The following ME3 variants were observed in gnomAD, a reference collection of about 807,000 sequenced individuals.
ME3 encodes the protein NADP-dependent malic enzyme, mitochondrial.
ME3 carries 48 observed loss-of-function variants against 68.9 expected under a neutral mutation model. The ratio of observed to expected loss-of-function variants is 0.70; its 90% CI spans 0.55 to 0.89. The LOEUF is 0.89. Ranked by LOEUF, ME3 falls within the 40% of genes least tolerant of loss-of-function variation. The pLI is 0.00. For missense variants in ME3, 675 were observed against 797.4 expected, an observed-to-expected ratio of 0.85 and a Z score of 1.85; for synonymous variants, 320 against 318.8, an observed-to-expected ratio of 1.00 and a Z score of -0.04.
chr11:86,519,961 TG>T (rs2139175382), intron 4 of ME3, among the ~76,000 whole-genome samples: 1 of 152,366 alleles, frequency 6.6e-6, no homozygotes, highest in South Asian at 2.1e-4. Context: ...CAACTGAACA[TG>T]TTAGTGGTGG....
chr11:86,499,736 G>C (rs1301678217), intron 5 of ME3, among the ~76,000 whole-genome samples: 1 of 152,180 alleles, frequency 6.6e-6, no homozygotes, highest in Non-Finnish European at 1.5e-5. Context: ...TTGGTCTACT[G>C]CCTCTGTGGA....
chr11:86,506,108 T>C (rs1486620525), intron 5 of ME3, among the ~76,000 whole-genome samples: 1 of 152,210 alleles, frequency 6.6e-6, no homozygotes, highest in Non-Finnish European at 1.5e-5. Context: ...TAAAAGATGG[T>C]TGAATGCAAC....
intron 2 of ME3, among the ~76,000 whole-genome samples, chr11:86,641,873 C>T (rs139859972): frequency 6.6e-6 from 1 of 152,126 alleles, no homozygotes; most frequent in East Asian, 1.9e-4. Flanking sequence ...AAAACTTCAC[C>T]TCTTTTTTTA....
At chr11:86,452,892 G>A (rs1259840222) in intron 8 of ME3, among the ~76,000 whole-genome samples, 1 of 152,176 alleles carries the variant, frequency 6.6e-6, no homozygotes, top group Admixed American at 6.5e-5. Flanking sequence ...AATGTCTGTT[G>A]GGACATTGTC....
At chr11:86,609,161 T>TCAAACACAA (rs1942377457) in intron 2 of ME3, among the ~76,000 whole-genome samples, 2 of 152,188 alleles carry the variant, frequency 1.3e-5, no homozygotes, top group African/African-American at 4.8e-5. Context: ...GAACTCAGGT[T>TCAAACACAA]TATTCTCTTA....
At chr11:86,573,311 T>C (rs1269858326) in intron 2 of ME3, among the ~76,000 whole-genome samples, 1 of 152,206 alleles carries the variant, frequency 6.6e-6, no homozygotes, top group Non-Finnish European at 1.5e-5. Context: ...ATTTTGACTT[T>C]GGTTGCAATT....
At chr11:86,468,233 C>T (rs971628860) in intron 7 of ME3, among the ~76,000 whole-genome samples, 1 of 152,186 alleles carries the variant, frequency 6.6e-6, no homozygotes, top group Non-Finnish European at 1.5e-5. Context: ...GAAACCAGAC[C>T]ACTATCCAGT....
At chr11:86,501,703 C>A (rs655934) in intron 5 of ME3, among the ~76,000 whole-genome samples, 1 of 152,086 alleles carries the variant, frequency 6.6e-6, no homozygotes, top group African/African-American at 2.4e-5. Context: ...TCTCTGTTAC[C>A]CTGTATCTTC....
intron 7 of ME3, among the ~76,000 whole-genome samples, chr11:86,477,487 A>G (rs2138846004): frequency 6.6e-6 from 1 of 152,296 alleles, no homozygotes; most frequent in African/African-American, 2.4e-5. Context: ...TATTATTGGT[A>G]CTTATTCATT....
chr11:86,588,577 AC>A (rs1958872373), intron 2 of ME3, among the ~76,000 whole-genome samples: 1 of 152,190 alleles, frequency 6.6e-6, no homozygotes, highest in Admixed American at 6.5e-5. Context: ...AGAAAGGGCA[AC>A]ACAGCAAGCT....
intron 7 of ME3, among the ~76,000 whole-genome samples, chr11:86,475,850 A>T (rs866140538): frequency 2.9e-5 from 3 of 102,520 alleles, no homozygotes; most frequent in African/African-American, 8.2e-5. Flanking sequence ...CCTAATATTC[A>T]GTATATATAT....
At chr11:86,525,081 T>G (rs1166849458) in intron 4 of ME3, among the ~76,000 whole-genome samples, 1 of 152,162 alleles carries the variant, frequency 6.6e-6, no homozygotes, top group Non-Finnish European at 1.5e-5. Flanking sequence ...ACATTGATAT[T>G]ATTGGGAAGC....
At chr11:86,633,326 T>G (rs1050202350) in intron 2 of ME3, among the ~76,000 whole-genome samples, 1 of 152,222 alleles carries the variant, frequency 6.6e-6, no homozygotes, top group Non-Finnish European at 1.5e-5. Context: ...TACAGCCACA[T>G]GAGGGGTGCT....
intron 2 of ME3, among the ~76,000 whole-genome samples, chr11:86,603,614 T>C (rs1667972286): frequency 6.6e-6 from 1 of 152,154 alleles, no homozygotes; most frequent in Admixed American, 6.6e-5. Flanking sequence ...CAAAGGACTA[T>C]AAATCATGCT....
chr11:86,494,169 G>A (rs1952172479), intron 6 of ME3, among the ~76,000 whole-genome samples: 1 of 152,290 alleles, frequency 6.6e-6, no homozygotes, highest in Middle Eastern at 3.4e-3. Flanking sequence ...TGTGTCCTGA[G>A]TTTCTTCAAG....
intron 2 of ME3, among the ~76,000 whole-genome samples, chr11:86,600,484 C>T (rs1345349631): frequency 1.3e-5 from 2 of 151,196 alleles, no homozygotes; most frequent in South Asian, 2.1e-4. Context: ...GAGACTTAGA[C>T]TCCCACACAA....
chr11:86,569,587 G>A (rs1219314032), intron 2 of ME3, among the ~76,000 whole-genome samples: 2 of 152,164 alleles, frequency 1.3e-5, no homozygotes, highest in Admixed American at 6.5e-5. Context: ...TAGAGAGTTT[G>A]AAGAAGCTAA....
At chr11:86,521,455 A>AAT (rs57608294) in intron 4 of ME3, among the ~76,000 whole-genome samples, 15 of 114,646 alleles carry the variant, frequency 1.3e-4, no homozygotes, top group African/African-American at 5.2e-4. Context: ...ATAATAATAA[A>AAT]AAAATGGAGC....
chr11:86,647,300 C>A (rs1396574725), intron 2 of ME3, among the ~76,000 whole-genome samples: 2 of 151,904 alleles, frequency 1.3e-5, no homozygotes, highest in African/African-American at 4.8e-5. Context: ...CTGGCTAACA[C>A]AGTGAAACCC....
Sources: gnomAD v4.1 joint callset for allele counts (sites outside exome capture counted in the v4.1 genomes callset) on GRCh38, gnomAD v4.1.1 for gene constraint, MANE v1.5 for transcripts, NCBI Gene and HGNC (gene_info 2026-07-23, HGNC 2026-07-21) for gene names.